The following KCNAB1 variants were observed in gnomAD, a reference collection of about 807,000 sequenced individuals.
KCNAB1 encodes voltage-gated potassium channel subunit beta-1.
KCNAB1 carries 35 observed loss-of-function variants against 64.6 expected under a neutral mutation model. That is an observed-to-expected ratio of 0.54 (90% CI 0.41 to 0.72). The LOEUF is 0.72. KCNAB1 is among the 30% of genes least tolerant of loss of function. KCNAB1 has a pLI of 0.00. For synonymous variants in KCNAB1, 177 were observed against 183.8 expected (o/e 0.96, Z 0.30); for missense variants, 401 against 512.9 (o/e 0.78, Z 2.11).
intron 1 of KCNAB1, among the ~76,000 whole-genome samples, chr3:156,322,622 G>A (rs1441878815): frequency 6.6e-6 from 1 of 152,114 alleles, no homozygotes. Context: ...CTTGCACAGA[G>A]ACCGAGAGAT....
chr3:156,531,274 TAGGA>T (rs1421134378), intron 12 of KCNAB1, 131 bp from the exon 13 acceptor site: 1 of 734,808 alleles, frequency 1.4e-6, no homozygotes, highest in Non-Finnish European at 2.5e-6. Flanking sequence ...TTTTTAATCC[TAGGA>T]AGCACTGTAC....
chr3:156,227,096 A>C (rs9856623), intron 1 of KCNAB1, among the ~76,000 whole-genome samples: 1 of 152,204 alleles, frequency 6.6e-6, no homozygotes, highest in African/African-American at 2.4e-5. Context: ...ATTCTATTCT[A>C]TAATATTTAA....
At chr3:156,505,901 C>G (rs1324177681) in intron 8 of KCNAB1, among the ~76,000 whole-genome samples, 1 of 152,146 alleles carries the variant, frequency 6.6e-6, no homozygotes. Flanking sequence ...CTCATGTGAA[C>G]TGAGTGAGTG....
intron 1 of KCNAB1, among the ~76,000 whole-genome samples, chr3:156,121,932 T>C (rs965606845): frequency 1.3e-5 from 2 of 152,234 alleles, no homozygotes; most frequent in Non-Finnish European, 2.9e-5. Context: ...GCATATAGAC[T>C]AAAAACTTGT....
chr3:156,515,315 C>G, intron 10 of KCNAB1, 95 bp downstream of exon 10: 3 of 1,099,004 alleles, frequency 2.7e-6, no homozygotes, highest in Non-Finnish European at 3.9e-6. Context: ...AAATGCTTTC[C>G]TAAATGTCCC....
At chr3:156,413,853 C>G (rs1272965611) in intron 1 of KCNAB1, among the ~76,000 whole-genome samples, 1 of 152,186 alleles carries the variant, frequency 6.6e-6, no homozygotes, top group Non-Finnish European at 1.5e-5. Context: ...GGATCTCAGT[C>G]TGGAAGGGGA....
At chr3:156,266,790 C>T (rs1718746803) in intron 1 of KCNAB1, among the ~76,000 whole-genome samples, 1 of 152,164 alleles carries the variant, frequency 6.6e-6, no homozygotes, top group Non-Finnish European at 1.5e-5. Context: ...GTCAGCAAAG[C>T]TCAGCGGTCA....
At chr3:156,391,265 C>G (rs986259513) in intron 1 of KCNAB1, among the ~76,000 whole-genome samples, 5 of 152,166 alleles carry the variant, frequency 3.3e-5, no homozygotes, top group African/African-American at 4.8e-5. Context: ...CCCTCTGAAC[C>G]TGTTTCCTCG....
chr3:156,391,550 A>G (rs978098414), intron 1 of KCNAB1, among the ~76,000 whole-genome samples: 9 of 152,210 alleles, frequency 5.9e-5, no homozygotes, highest in African/African-American at 2.2e-4. Context: ...ATTTATCTCC[A>G]CTGAGGAGCT....
intron 1 of KCNAB1, among the ~76,000 whole-genome samples, chr3:156,321,480 G>C (rs991796519): frequency 1.3e-5 from 2 of 152,210 alleles, no homozygotes; most frequent in Non-Finnish European, 2.9e-5. Context: ...GCTACTGAGC[G>C]ATGGTATTTG....
intron 1 of KCNAB1, among the ~76,000 whole-genome samples, chr3:156,278,174 A>T (rs1235472584): frequency 1.3e-5 from 2 of 152,230 alleles, no homozygotes. Context: ...ATGTTATGAG[A>T]TAAAGAGACA....
At chr3:156,372,812 C>T (rs1407223720) in intron 1 of KCNAB1, among the ~76,000 whole-genome samples, 3 of 152,268 alleles carry the variant, frequency 2.0e-5, no homozygotes, top group African/African-American at 4.8e-5. Flanking sequence ...CAAGGTGAGG[C>T]TGTGAAAGAA....
intron 13 of KCNAB1, 179 bp from the exon 14 acceptor site, chr3:156,536,479 A>G (rs1431974711): frequency 1.5e-5 from 9 of 582,176 alleles, no homozygotes; most frequent in Non-Finnish European, 2.8e-5. Flanking sequence ...CAGTCAATCA[A>G]CAAGGCCCCT....
At chr3:156,492,148 T>G (rs1351063203) in intron 8 of KCNAB1, among the ~76,000 whole-genome samples, 1 of 152,156 alleles carries the variant, frequency 6.6e-6, no homozygotes, top group Admixed American at 6.6e-5. Context: ...ACCTCTAATT[T>G]GGTTGGTGAT....
chr3:156,438,542 G>A (rs1645322854), intron 2 of KCNAB1, among the ~76,000 whole-genome samples: 1 of 152,140 alleles, frequency 6.6e-6, no homozygotes, highest in African/African-American at 2.4e-5. Context: ...TTCACTGTGA[G>A]TTCTGAAAAA....
At chr3:156,253,567 T>TCAGCCATACAC (rs1239798380) in intron 1 of KCNAB1, among the ~76,000 whole-genome samples, 1 of 152,252 alleles carries the variant, frequency 6.6e-6, no homozygotes, top group Non-Finnish European at 1.5e-5. Context: ...TTGCCATTCA[T>TCAGCCATACAC]CAGCCATACA....
At chr3:156,393,302 T>A (rs1183607735) in intron 1 of KCNAB1, among the ~76,000 whole-genome samples, 4 of 151,794 alleles carry the variant, frequency 2.6e-5, no homozygotes, top group African/African-American at 9.7e-5. Flanking sequence ...CTCCTTGGAG[T>A]TTTTACCCCT....
intron 12 of KCNAB1, among the ~76,000 whole-genome samples, chr3:156,524,501 A>G (rs1441919161): frequency 6.6e-6 from 1 of 152,174 alleles, no homozygotes; most frequent in Non-Finnish European, 1.5e-5. Context: ...TAATCCCAGC[A>G]CTTTGGGAGG....
intron 1 of KCNAB1, among the ~76,000 whole-genome samples, chr3:156,356,719 A>G (rs1296105071): frequency 2.0e-5 from 3 of 152,224 alleles, no homozygotes; most frequent in Non-Finnish European, 4.4e-5. Context: ...CACAACGTAC[A>G]CTGTGGGTTT....
Sources: allele counts gnomAD v4.1 joint callset (sites outside exome capture counted in the v4.1 genomes callset), GRCh38; gene constraint gnomAD v4.1.1; transcripts MANE v1.5; gene names NCBI Gene and HGNC (gene_info 2026-07-23, HGNC 2026-07-21).